Variants in PARP4 observed in about 807,000 individuals in gnomAD.
PARP4 encodes the protein poly(ADP-ribose) polymerase family member 4.
PARP4 carries 120 observed loss-of-function variants against 187.7 expected under a neutral mutation model. The observed-to-expected ratio is 0.64, with a 90% CI of 0.55 to 0.74. The LOEUF is 0.74. Ranked by LOEUF, PARP4 falls within the 30% of genes least tolerant of loss-of-function variation. PARP4 has a pLI of 0.00. For synonymous variants in PARP4, 654 were observed against 740.9 expected, an observed-to-expected ratio of 0.88 and a Z score of 1.90; for missense variants, 1,836 against 2,070.5, an observed-to-expected ratio of 0.89 and a Z score of 2.20.
At chr13:24,423,504 C>G (rs1869854209) in intron 33 of PARP4, among the ~76,000 whole-genome samples, 1 of 149,702 alleles carries the variant, frequency 6.7e-6, no homozygotes, top group African/African-American at 2.5e-5. Context: ...GCACGCCAGC[C>G]TGGGTGACAG....
At chr13:24,444,351 T>G (rs1168512887) in intron 27 of PARP4, among the ~76,000 whole-genome samples, 1 of 152,308 alleles carries the variant, frequency 6.6e-6, no homozygotes, top group Non-Finnish European at 1.5e-5. Context: ...AAATATACTT[T>G]TAATTTATTC....
At chr13:24,449,629 A>C in intron 25 of PARP4, 89 bp downstream of exon 25, 1 of 770,026 alleles carries the variant, frequency 1.3e-6, no homozygotes, top group Admixed American at 2.2e-5. Flanking sequence ...CCTCTCATTC[A>C]AGGAAACACA....
chr13:24,435,902 G>A (rs1180469728), intron 30 of PARP4, among the ~76,000 whole-genome samples: 1 of 143,318 alleles, frequency 7.0e-6, no homozygotes, highest in Admixed American at 7.1e-5. Flanking sequence ...GTGTGAGAGG[G>A]CAATATTCTG....
chr13:24,469,294 G>A (rs1032059220), intron 16 of PARP4, among the ~76,000 whole-genome samples, 184 bp from the exon 17 acceptor site: 6 of 152,046 alleles, frequency 3.9e-5, no homozygotes, highest in African/African-American at 1.4e-4. Context: ...AACCAGAAAA[G>A]GCCAACTAAA....
chr13:24,431,035 A>C (rs1384435460), intron 32 of PARP4, among the ~76,000 whole-genome samples: 1 of 152,188 alleles, frequency 6.6e-6, no homozygotes, highest in Non-Finnish European at 1.5e-5. Context: ...AAGGTCTCTA[A>C]ATGACCACAT....
intron 10 of PARP4, among the ~76,000 whole-genome samples, chr13:24,487,376 C>G (rs2137525385): frequency 6.6e-6 from 1 of 152,174 alleles, no homozygotes; most frequent in East Asian, 1.9e-4. Flanking sequence ...TGGAATGTGG[C>G]ACCATAAAAT....
rs1182017801 is a variant in PARP4, at chr13:24,493,711, T to TTCA, written c.761_763dup (p.Met254dup). The TTCA allele has an allele frequency of 2.4e-5, 39 of 1,613,608 alleles. No homozygotes were observed. The highest frequency in any genetic ancestry group is 3.3e-5 in the Non-Finnish European group (39 of 1,179,928). ...CACCTCTTGGCTCAGAGTGCTTGAA[T>TTCA]TCATGACTTCCTCCAAAAGCAACTA... On this transcript the variant is annotated inframe_insertion, in exon 8 of 34. Transcript: ENST00000381989.
chr13:24,511,468 C>T (rs908545588), intron 1 of PARP4, among the ~76,000 whole-genome samples: 8 of 152,200 alleles, frequency 5.3e-5, no homozygotes, highest in African/African-American at 1.9e-4. Context: ...AAATAACATT[C>T]ACAGAGTGTC....
At chr13:24,465,832 G>A (rs1200374721) in intron 17 of PARP4, among the ~76,000 whole-genome samples, 1 of 151,628 alleles carries the variant, frequency 6.6e-6, no homozygotes, top group African/African-American at 2.4e-5. Flanking sequence ...AATATATGAA[G>A]AAATAAAACA....
chr13:24,458,674 G>C (rs1347454757), intron 20 of PARP4, among the ~76,000 whole-genome samples: 1 of 152,192 alleles, frequency 6.6e-6, no homozygotes, highest in Non-Finnish European at 1.5e-5. Context: ...ACTGACTATT[G>C]TGAAACAGGT....
intron 6 of PARP4, 95 bp downstream of exon 6, chr13:24,498,021 G>GGAAAAA: frequency 1.3e-6 from 1 of 779,146 alleles, no homozygotes; most frequent in Middle Eastern, 2.3e-4. Context: ...AAGACAACAG[G>GGAAAAA]TAAGAAGAAA....
intron 17 of PARP4, among the ~76,000 whole-genome samples, chr13:24,461,427 C>G (rs1316447388): frequency 6.6e-6 from 1 of 152,138 alleles, no homozygotes; most frequent in Non-Finnish European, 1.5e-5. Context: ...TTATAACACA[C>G]CAGGCAATCT....
chr13:24,449,940 G>A (rs1291285523), intron 24 of PARP4, 123 bp from the exon 25 acceptor site: 9 of 543,696 alleles, frequency 1.7e-5, no homozygotes, highest in East Asian at 1.6e-4. Flanking sequence ...GAATGTACTC[G>A]TGTGTCGCTG....
intron 15 of PARP4, among the ~76,000 whole-genome samples, chr13:24,471,647 G>A (rs1163630665): frequency 1.3e-5 from 2 of 152,096 alleles, no homozygotes. Context: ...CTACAGTCTG[G>A]CTGTTTCATC....
intron 30 of PARP4, among the ~76,000 whole-genome samples, chr13:24,438,393 C>T (rs1234261993): frequency 6.6e-6 from 1 of 152,216 alleles, no homozygotes; most frequent in Non-Finnish European, 1.5e-5. Context: ...TCCTGCTGTG[C>T]AGCCTGGTTC....
chr13:24,454,918 C>T, intron 22 of PARP4, 99 bp downstream of exon 22: 2 of 959,406 alleles, frequency 2.1e-6, no homozygotes, highest in Non-Finnish European at 1.5e-6. Flanking sequence ...CTGCCCCTCA[C>T]CACACAGGCA....
In PARP4 at chr13:24,424,673, C is replaced by CTTTTTT. The variant is rs1241681310; in HGVS notation, c.4979+1787_4979+1792dup. Among the ~76,000 whole-genome samples, 118 of 129,072 alleles carry CTTTTTT rather than the reference C, an allele frequency of 9.1e-4. 1 individual carries two copies. Among genetic ancestry groups the CTTTTTT allele is most frequent in the Non-Finnish European group, 1.6e-3 (100 of 62,388 alleles). 84.7% of individuals were successfully genotyped at this position (129,072 alleles called of 152,430 possible). On this transcript the variant is annotated intron_variant, in intron 33 of 33. Coordinates refer to ENST00000381989, the MANE Select transcript of PARP4 (RefSeq NM_006437.4). ...TAGAGAGATATAGTCAAATTATGTA[C>CTTTTTT]TTTTTTTTTTTTTTTTGAGACGGAG... is the stretch of plus-strand genomic sequence containing the variant.
intron 1 of PARP4, among the ~76,000 whole-genome samples, chr13:24,504,772 C>T (rs1332657582): frequency 2.6e-5 from 4 of 151,520 alleles, no homozygotes; most frequent in Non-Finnish European, 5.9e-5. Context: ...TGGCTTACTG[C>T]AACCTCCACC....
At chr13:24,493,773 T>A in intron 7 of PARP4, 40 bp from the exon 8 acceptor site, 1 of 1,602,514 alleles carries the variant, frequency 6.2e-7, no homozygotes, top group Non-Finnish European at 8.5e-7. Context: ...AAAGTCATCA[T>A]GTGTGAGTTT....
Sources: gnomAD v4.1 joint callset for allele counts (sites outside exome capture counted in the v4.1 genomes callset) on GRCh38, gnomAD v4.1.1 for gene constraint, MANE v1.5 for transcripts, NCBI Gene and HGNC (gene_info 2026-07-23, HGNC 2026-07-21) for gene names.